KCNIP4: variants seen among roughly 807,000 people sequenced by gnomAD.
KCNIP4 encodes potassium voltage-gated channel interacting protein 4.
In KCNIP4, 12 loss-of-function variants were observed where a neutral mutation model predicts 34.0. That is an observed-to-expected ratio of 0.35 (90% CI 0.23 to 0.57). The LOEUF is 0.57. KCNIP4 is among the 20% of genes least tolerant of loss of function. The pLI, the probability that KCNIP4 is intolerant of heterozygous loss-of-function variation, is 0.83. For missense variants in KCNIP4, 238 were observed against 311.7 expected (o/e 0.76, Z 1.78); for synonymous variants, 124 against 102.2 (o/e 1.21, Z -1.29).
At chr4:21,178,906 C>T (rs1217538626) in intron 1 of KCNIP4, among the ~76,000 whole-genome samples, 2 of 151,460 alleles carry the variant, frequency 1.3e-5, no homozygotes, top group African/African-American at 4.9e-5. Context: ...CAGCCTTGAC[C>T]TCCTGGGTTC....
intron 1 of KCNIP4, among the ~76,000 whole-genome samples, chr4:20,929,331 C>T (rs1237040377): frequency 6.6e-6 from 1 of 151,972 alleles, no homozygotes; most frequent in African/African-American, 2.4e-5. Flanking sequence ...AGTTCAGCAT[C>T]CTTTCCTGAT....
chr4:21,641,496 G>A (rs1019219832), intron 1 of KCNIP4, among the ~76,000 whole-genome samples: 1 of 152,206 alleles, frequency 6.6e-6, no homozygotes, highest in Non-Finnish European at 1.5e-5. Context: ...TTTATGGGCT[G>A]TGGCCAATGA....
At chr4:21,072,777 G>A (rs12502505) in intron 1 of KCNIP4, among the ~76,000 whole-genome samples, 40,556 of 151,854 alleles carry the variant, frequency 0.27, 5,654 homozygotes, top group African/African-American at 0.34. Flanking sequence ...TTATGGTTTT[G>A]GGTCTAACAT....
chr4:21,530,105 T>C (rs570066965), intron 1 of KCNIP4, among the ~76,000 whole-genome samples: 1 of 152,296 alleles, frequency 6.6e-6, no homozygotes, highest in Non-Finnish European at 1.5e-5. Flanking sequence ...GTCATGACCA[T>C]GCTAACTTTT....
intron 5 of KCNIP4, among the ~76,000 whole-genome samples, chr4:20,745,054 T>TG (rs749757103): frequency 3.3e-4 from 51 of 152,304 alleles, no homozygotes; most frequent in Non-Finnish European, 2.2e-4. Context: ...TTGCTAGGAA[T>TG]GGTAGGACAG....
At chr4:20,943,772 T>C (rs1731903172) in intron 1 of KCNIP4, among the ~76,000 whole-genome samples, 1 of 152,270 alleles carries the variant, frequency 6.6e-6, no homozygotes, top group African/African-American at 2.4e-5. Context: ...CAGAGTCAGC[T>C]TTGTAATCAG....
rs1560637409 is a variant in KCNIP4, at chr4:21,694,943, A to AAC, written c.61+253627_61+253628insGT. ...AAAAAAAAAAAAATAAAAATAAATA[A>AAC]ATAAATAAAGGGCTTTTTGGTAAAA... is the stretch of plus-strand genomic sequence containing the variant. On this transcript the variant is annotated intron_variant, in intron 1 of 8. Transcript: ENST00000382152. Among the ~76,000 whole-genome samples, 106 of 45,368 alleles carry AAC rather than the reference A, an allele frequency of 2.3e-3. 1 individual carries two copies. Among genetic ancestry groups the AAC allele is most frequent in the African/African-American group, 5.3e-3 (95 of 18,064 alleles). 29.8% of individuals were successfully genotyped at this position (45,368 alleles called of 152,430 possible).
chr4:21,199,766 C>G (rs1045643293), intron 1 of KCNIP4, among the ~76,000 whole-genome samples: 11 of 65,268 alleles, frequency 1.7e-4, no homozygotes, highest in African/African-American at 1.6e-3. Flanking sequence ...GCACTACTCA[C>G]AATAGCAAAG....
At chr4:20,736,236 A>G (rs1234244890) in intron 5 of KCNIP4, among the ~76,000 whole-genome samples, 1 of 152,156 alleles carries the variant, frequency 6.6e-6, no homozygotes, top group Non-Finnish European at 1.5e-5. Flanking sequence ...ACAGACTTCT[A>G]TACTTTTTTT....
At chr4:20,946,096 C>G (rs7672693) in intron 1 of KCNIP4, among the ~76,000 whole-genome samples, 100,071 of 151,942 alleles carry the variant, frequency 0.66, 33,786 homozygotes, top group East Asian at 0.77. Context: ...CGGTCATGAA[C>G]AAGACCAGCA....
chr4:20,760,939 G>C (rs1754909603), intron 3 of KCNIP4, among the ~76,000 whole-genome samples: 1 of 152,190 alleles, frequency 6.6e-6, no homozygotes, highest in Non-Finnish European at 1.5e-5. Context: ...CATTATTCTG[G>C]ATAGTTCTGT....
chr4:21,946,902 C>T (rs1184988556), intron 1 of KCNIP4, among the ~76,000 whole-genome samples: 1 of 152,128 alleles, frequency 6.6e-6, no homozygotes, highest in African/African-American at 2.4e-5. Flanking sequence ...GTGACTTCAT[C>T]TTCATTTCCC....
At chr4:21,305,961 C>T (rs370873056) in intron 1 of KCNIP4, among the ~76,000 whole-genome samples, 1 of 152,148 alleles carries the variant, frequency 6.6e-6, no homozygotes, top group African/African-American at 2.4e-5. Flanking sequence ...GGGTAGGCTG[C>T]CAGAGGGCAG....
chr4:21,795,926 T>C (rs2109242716), intron 1 of KCNIP4, among the ~76,000 whole-genome samples: 1 of 152,050 alleles, frequency 6.6e-6, no homozygotes, highest in South Asian at 2.1e-4. Flanking sequence ...AAAAATTAGC[T>C]GGGTTGGTGG....
chr4:20,737,683 GCT>G (rs1214901681), intron 5 of KCNIP4, among the ~76,000 whole-genome samples: 8 of 152,186 alleles, frequency 5.3e-5, no homozygotes, highest in African/African-American at 1.4e-4. Context: ...AGAGGCAGAA[GCT>G]CTGATACTAA....
chr4:20,947,809 C>A (rs1434951), intron 1 of KCNIP4, among the ~76,000 whole-genome samples: 98,785 of 151,994 alleles, frequency 0.65, 32,858 homozygotes, highest in East Asian at 0.82. Flanking sequence ...ACGGCAGCTC[C>A]TAATCTGTTA....
chr4:21,249,476 T>G (rs1297291440), intron 1 of KCNIP4, among the ~76,000 whole-genome samples: 1 of 152,120 alleles, frequency 6.6e-6, no homozygotes, highest in Non-Finnish European at 1.5e-5. Flanking sequence ...TCCCATACCC[T>G]GCTAACTCTA....
intron 1 of KCNIP4, among the ~76,000 whole-genome samples, chr4:21,612,538 G>C (rs763132109): frequency 2.6e-4 from 40 of 152,176 alleles, no homozygotes; most frequent in Non-Finnish European, 5.0e-4. Flanking sequence ...GTCTGGAGTG[G>C]ATACTTAATT....
At chr4:21,630,389 G>A (rs956588986) in intron 1 of KCNIP4, among the ~76,000 whole-genome samples, 2 of 151,736 alleles carry the variant, frequency 1.3e-5, no homozygotes, top group African/African-American at 2.4e-5. Context: ...GACCTGGAAG[G>A]TGGAGGTTGC....
Sources: allele counts gnomAD v4.1 joint callset (sites outside exome capture counted in the v4.1 genomes callset), GRCh38; gene constraint gnomAD v4.1.1; transcripts MANE v1.5; gene names NCBI Gene and HGNC (gene_info 2026-07-23, HGNC 2026-07-21).